Variants in SHISA9 observed in about 807,000 individuals in gnomAD.
The protein encoded by SHISA9 is protein shisa-9.
SHISA9 carries 13 observed loss-of-function variants against 38.0 expected under a neutral mutation model. The ratio of observed to expected loss-of-function variants is 0.34; its 90% CI spans 0.22 to 0.54. The LOEUF is 0.54. SHISA9 is among the 20% of genes least tolerant of loss of function. The probability of loss-of-function intolerance (pLI) is 0.91; values close to 1 mark genes in which losing one functional copy is unlikely to be tolerated. For synonymous variants in SHISA9, 275 were observed against 242.0 expected (o/e 1.14, Z -1.27); for missense variants, 538 against 575.8 (o/e 0.93, Z 0.67).
chr16:12,940,707 T>C (rs551782358), intron 2 of SHISA9, among the ~76,000 whole-genome samples: 1 of 152,330 alleles, frequency 6.6e-6, no homozygotes, highest in South Asian at 2.1e-4. Context: ...GCTAGTGTCT[T>C]TGCGGCACTG....
the SHISA9 span, among the ~76,000 whole-genome samples, chr16:13,532,418 C>G: frequency 6.6e-6 from 1 of 152,150 alleles, no homozygotes; most frequent in Non-Finnish European, 1.5e-5. Context: ...CAAATCACAT[C>G]AAACCAGAGC....
intron 2 of SHISA9, among the ~76,000 whole-genome samples, chr16:13,202,144 G>A (rs2051012152): frequency 8.2e-6 from 1 of 121,930 alleles, no homozygotes; most frequent in Admixed American, 8.1e-5. Context: ...ACACTTACCA[G>A]TGTTCACTGG....
At chr16:13,463,238 A>C in the SHISA9 span, among the ~76,000 whole-genome samples, 2 of 152,234 alleles carry the variant, frequency 1.3e-5, no homozygotes, top group African/African-American at 4.8e-5. Flanking sequence ...AAGAAAGAGC[A>C]TGGCATGACC....
intron 4 of SHISA9, among the ~76,000 whole-genome samples, chr16:13,224,791 T>G (rs1174435602): frequency 6.6e-6 from 1 of 152,184 alleles, no homozygotes; most frequent in East Asian, 1.9e-4. Context: ...GGAGGGTTTT[T>G]CAGGAGGTAG....
At chr16:13,065,172 G>A (rs1235478105) in intron 2 of SHISA9, among the ~76,000 whole-genome samples, 4 of 152,092 alleles carry the variant, frequency 2.6e-5, no homozygotes, top group Non-Finnish European at 5.9e-5. Context: ...ACTCCTCCAC[G>A]TTCATCTTCT....
At chr16:13,136,396 C>CTTTTTTTTTTTTTTTT (rs35122409) in intron 2 of SHISA9, among the ~76,000 whole-genome samples, 1 of 68,090 alleles carries the variant, frequency 1.5e-5, no homozygotes, top group African/African-American at 6.3e-5. Flanking sequence ...CAGTTTCCTT[C>CTTTTTTTTTTTTTTTT]TTTTTTTTTT....
At chr16:13,138,832 T>A (rs1476403340) in intron 2 of SHISA9, among the ~76,000 whole-genome samples, 2 of 152,220 alleles carry the variant, frequency 1.3e-5, no homozygotes, top group African/African-American at 4.8e-5. Context: ...TTTGTAGGAT[T>A]CATGGCTCCT....
intron 2 of SHISA9, among the ~76,000 whole-genome samples, chr16:13,104,151 G>A (rs1195413613): frequency 6.6e-6 from 1 of 151,952 alleles, no homozygotes; most frequent in African/African-American, 2.4e-5. Context: ...TTGTCTAAGG[G>A]GGCCAGGTTT....
chr16:13,261,418 T>G, the SHISA9 span, among the ~76,000 whole-genome samples: 1 of 152,182 alleles, frequency 6.6e-6, no homozygotes, highest in African/African-American at 2.4e-5. Flanking sequence ...ACTCACATTT[T>G]GTGCCAGACA....
the SHISA9 span, among the ~76,000 whole-genome samples, chr16:13,432,210 C>T: frequency 1.6e-4 from 24 of 152,228 alleles, no homozygotes; most frequent in African/African-American, 4.8e-4. Context: ...TAAGTCCACC[C>T]TCATTCCTCT....
the SHISA9 span, among the ~76,000 whole-genome samples, chr16:13,342,108 A>T: frequency 6.6e-6 from 1 of 152,124 alleles, no homozygotes; most frequent in Non-Finnish European, 1.5e-5. Flanking sequence ...TGTCTCCAAG[A>T]TGCCTAAAAC....
At chr16:13,030,479 G>A (rs979694105) in intron 2 of SHISA9, among the ~76,000 whole-genome samples, 13 of 152,118 alleles carry the variant, frequency 8.5e-5, no homozygotes, top group Non-Finnish European at 1.5e-4. Context: ...TGCTAGATTG[G>A]CTTGCTTCCC....
intron 2 of SHISA9, among the ~76,000 whole-genome samples, chr16:13,174,949 T>C (rs2142024798): frequency 6.6e-6 from 1 of 152,318 alleles, no homozygotes; most frequent in South Asian, 2.1e-4. Context: ...AATTTATGAC[T>C]GGGTCCTCGT....
chr16:13,266,395 A>C, the SHISA9 span, among the ~76,000 whole-genome samples: 1 of 151,678 alleles, frequency 6.6e-6, no homozygotes, highest in African/African-American at 2.4e-5. Context: ...TCTAGGACTA[A>C]GATGAAGGCT....
At chr16:12,975,769 A>C (rs1209779438) in intron 2 of SHISA9, among the ~76,000 whole-genome samples, 1 of 151,382 alleles carries the variant, frequency 6.6e-6, no homozygotes, top group Non-Finnish European at 1.5e-5. Context: ...AAGAGGGAAG[A>C]TGGCCCAGAT....
chr16:13,447,555 CAAGCT>C, the SHISA9 span, among the ~76,000 whole-genome samples: 1 of 152,200 alleles, frequency 6.6e-6, no homozygotes, highest in Non-Finnish European at 1.5e-5. Flanking sequence ...TGGGCAGATC[CAAGCT>C]ACCAGGAGTG....
At chr16:13,037,274 C>T (rs893347903) in intron 2 of SHISA9, among the ~76,000 whole-genome samples, 1 of 152,008 alleles carries the variant, frequency 6.6e-6, no homozygotes, top group African/African-American at 2.4e-5. Flanking sequence ...GTGTAAGTGC[C>T]AATGTGTGGA....
At chr16:13,006,765 C>T (rs1357808018) in intron 2 of SHISA9, among the ~76,000 whole-genome samples, 1 of 152,190 alleles carries the variant, frequency 6.6e-6, no homozygotes, top group Non-Finnish European at 1.5e-5. Flanking sequence ...TTGTACCCTC[C>T]TGCAGCCTGC....
At chr16:13,125,272 A>G (rs1430866000) in intron 2 of SHISA9, among the ~76,000 whole-genome samples, 1 of 152,228 alleles carries the variant, frequency 6.6e-6, no homozygotes, top group African/African-American at 2.4e-5. Context: ...CTCTATAGGA[A>G]TAAAACTAAT....
Sources: allele counts gnomAD v4.1 joint callset (sites outside exome capture counted in the v4.1 genomes callset), GRCh38; gene constraint gnomAD v4.1.1; transcripts MANE v1.5; gene names NCBI Gene and HGNC (gene_info 2026-07-23, HGNC 2026-07-21).